LMBR1: variants seen among roughly 807,000 people sequenced by gnomAD.
LMBR1 encodes limb region 1 protein homolog.
In LMBR1, 52 loss-of-function variants were observed where a neutral mutation model predicts 73.9. The observed-to-expected ratio is 0.70, with a 90% CI of 0.56 to 0.89. The LOEUF (loss-of-function observed/expected upper bound fraction) is 0.89, where lower values mean the gene tolerates loss of function less well. Among genes scored for constraint, LMBR1 ranks in the 40% least tolerant of loss-of-function variants. The pLI is 0.00. For missense variants in LMBR1, 539 were observed against 579.8 expected (o/e 0.93, Z 0.72); for synonymous variants, 215 against 209.4 (o/e 1.03, Z -0.23).
At chr7:156,844,239 G>A (rs745966619) in intron 1 of LMBR1, among the ~76,000 whole-genome samples, 18 of 151,956 alleles carry the variant, frequency 1.2e-4, no homozygotes, top group South Asian at 4.2e-4. Flanking sequence ...CAGGAGAATC[G>A]CTTGAACCCG....
At chr7:156,730,046 C>A (rs1816552842) in intron 10 of LMBR1, among the ~76,000 whole-genome samples, 1 of 152,076 alleles carries the variant, frequency 6.6e-6, no homozygotes, top group Non-Finnish European at 1.5e-5. Flanking sequence ...TGGCATGGAC[C>A]CAAGAGGGTG....
chr7:156,761,870 G>A (rs756838065), intron 8 of LMBR1, among the ~76,000 whole-genome samples: 10 of 151,564 alleles, frequency 6.6e-5, no homozygotes, highest in African/African-American at 1.9e-4. Context: ...CCAGCTACTC[G>A]GGAGGCTGAG....
At chr7:156,849,055 C>T (rs771374537) in intron 1 of LMBR1, among the ~76,000 whole-genome samples, 8 of 152,052 alleles carry the variant, frequency 5.3e-5, no homozygotes, top group Non-Finnish European at 1.2e-4. Flanking sequence ...CACATACATG[C>T]ATTATATTCT....
intron 9 of LMBR1, among the ~76,000 whole-genome samples, chr7:156,738,985 T>C (rs1251527047): frequency 6.6e-6 from 1 of 152,144 alleles, no homozygotes; most frequent in Non-Finnish European, 1.5e-5. Context: ...GCTTAGGTAC[T>C]AGCTTGGCCA....
At chr7:156,838,952 T>C (rs964256679) in intron 1 of LMBR1, among the ~76,000 whole-genome samples, 1 of 152,136 alleles carries the variant, frequency 6.6e-6, no homozygotes, top group Non-Finnish European at 1.5e-5. Flanking sequence ...TTTTGACTTA[T>C]ATGTCCCTGA....
chr7:156,752,068 T>A (rs1821002559), intron 9 of LMBR1, among the ~76,000 whole-genome samples: 1 of 152,050 alleles, frequency 6.6e-6, no homozygotes, highest in African/African-American at 2.4e-5. Flanking sequence ...AAAAGTGGAT[T>A]GAGAAAAAGC....
intron 1 of LMBR1, among the ~76,000 whole-genome samples, chr7:156,866,877 C>A (rs949497978): frequency 6.6e-6 from 1 of 152,180 alleles, no homozygotes; most frequent in Non-Finnish European, 1.5e-5. Flanking sequence ...GCTGGGATTA[C>A]AGGCATGAGC....
intron 15 of LMBR1, among the ~76,000 whole-genome samples, chr7:156,697,726 A>C (rs894632974): frequency 6.6e-6 from 1 of 151,996 alleles, no homozygotes; most frequent in African/African-American, 2.4e-5. Flanking sequence ...CCTAAAAATC[A>C]CTGTTATTCT....
rs182084695 is a variant in LMBR1 at position 156,733,140 on chromosome 7, G to T, written c.838+1037C>A. On this transcript the variant is annotated intron_variant, in intron 10 of 16. Transcript: ENST00000353442. ...AGCCTGGGCGACAGAGTGAGACTCT[G>T]TCTTAAAAAACAAAACAAAACAAAA... Among the ~76,000 whole-genome samples, 941 of 152,108 alleles carry T rather than the reference G, an allele frequency of 6.2e-3. 34 individuals carry two copies. The highest frequency in any genetic ancestry group is 4.4e-3 in the East Asian group (23 of 5,174).
At chr7:156,728,198 T>C (rs1022311943) in intron 11 of LMBR1, among the ~76,000 whole-genome samples, 191 bp from the exon 12 acceptor site, 21 of 152,206 alleles carry the variant, frequency 1.4e-4, no homozygotes, top group Non-Finnish European at 2.5e-4. Flanking sequence ...CAAGTTATTG[T>C]CATTTCAAAG....
At chr7:156,687,866 G>A (rs1438222225) in intron 16 of LMBR1, among the ~76,000 whole-genome samples, 164 bp downstream of exon 16, 1 of 152,158 alleles carries the variant, frequency 6.6e-6, no homozygotes, top group Non-Finnish European at 1.5e-5. Flanking sequence ...AGATAAGGAA[G>A]CTAAGGCTTA....
chr7:156,679,653 T>C lies in LMBR1; in HGVS notation c.*4425A>G, dbSNP rs893125389. 6.6e-6 allele frequency: 1 copy of C among 152,144 alleles called. No homozygotes were observed. The allele number at this position is 152,144 out of a possible 1,614,324, so 9.4% of individuals were successfully genotyped here. The stretch of plus-strand genomic sequence containing the variant: ...GTTTTAGTAACTGTTAAAACTTCAG[T>C]TCTCAGACCCATAGCCCACACGTGA... On this transcript the variant is annotated 3_prime_UTR_variant, in exon 17 of 17. Coordinates refer to ENST00000353442, the MANE Select transcript of LMBR1 (RefSeq NM_022458.4).
intron 15 of LMBR1, among the ~76,000 whole-genome samples, chr7:156,713,574 A>G (rs1812561459): frequency 6.6e-6 from 1 of 152,096 alleles, no homozygotes; most frequent in South Asian, 2.1e-4. Context: ...TCTGGAAAAA[A>G]AAAACAAAAG....
intron 9 of LMBR1, among the ~76,000 whole-genome samples, chr7:156,748,223 G>C (rs1248929916): frequency 2.6e-5 from 4 of 152,080 alleles, no homozygotes; most frequent in African/African-American, 9.7e-5. Context: ...ATGCAAATAT[G>C]CTTTCATTAC....
chr7:156,833,727 GAAC>G (rs1837096328), intron 3 of LMBR1, 23 bp downstream of exon 3: 10 of 1,564,706 alleles, frequency 6.4e-6, no homozygotes, highest in Non-Finnish European at 8.7e-6. Flanking sequence ...ATCAGAAACA[GAAC>G]AACTGAACTT....
At chr7:156,864,641 A>G (rs1798194585) in intron 1 of LMBR1, among the ~76,000 whole-genome samples, 1 of 152,246 alleles carries the variant, frequency 6.6e-6, no homozygotes, top group Non-Finnish European at 1.5e-5. Context: ...TGCTCTAGAA[A>G]TGAAAGAATA....
At chr7:156,891,211 A>AATAT (rs1162520790) in intron 1 of LMBR1, among the ~76,000 whole-genome samples, 16 of 81,496 alleles carry the variant, frequency 2.0e-4, no homozygotes, top group East Asian at 7.5e-4. Flanking sequence ...AAAAAAAAAA[A>AATAT]ATATATATAT....
intron 15 of LMBR1, among the ~76,000 whole-genome samples, chr7:156,705,304 T>C (rs1469127903): frequency 6.6e-6 from 1 of 152,174 alleles, no homozygotes; most frequent in Non-Finnish European, 1.5e-5. Flanking sequence ...ACACCTGTAA[T>C]CCCAGCACTT....
At chr7:156,788,154 G>A (rs1003186092) in intron 5 of LMBR1, among the ~76,000 whole-genome samples, 1 of 152,098 alleles carries the variant, frequency 6.6e-6, no homozygotes, top group Non-Finnish European at 1.5e-5. Context: ...TTTTCATAAG[G>A]CCGGGTACAG....
Sources: allele counts gnomAD v4.1 joint callset (sites outside exome capture counted in the v4.1 genomes callset), GRCh38; gene constraint gnomAD v4.1.1; transcripts MANE v1.5; gene names NCBI Gene and HGNC (gene_info 2026-07-23, HGNC 2026-07-21).